CREB3L2: variants seen among roughly 807,000 people sequenced by gnomAD.
CREB3L2 encodes the protein cyclic AMP-responsive element-binding protein 3-like protein 2.
In CREB3L2, 23 loss-of-function variants were observed where a neutral mutation model predicts 57.2. The observed-to-expected ratio is 0.40, with a 90% CI of 0.29 to 0.57. The LOEUF is 0.57. Ranked by LOEUF, CREB3L2 falls within the 20% of genes least tolerant of loss-of-function variation. The probability of loss-of-function intolerance (pLI) is 0.42; values close to 1 mark genes in which losing one functional copy is unlikely to be tolerated. For missense variants in CREB3L2, 628 were observed against 634.7 expected (o/e 0.99, Z 0.11); for synonymous variants, 268 against 265.1 (o/e 1.01, Z -0.11).
chr7:137,945,261 A>G (rs1563261779), intron 1 of CREB3L2, among the ~76,000 whole-genome samples: 1 of 152,280 alleles, frequency 6.6e-6, no homozygotes, highest in Non-Finnish European at 1.5e-5. Flanking sequence ...ATGTATGGAC[A>G]GCCTTATAGC....
intron 1 of CREB3L2, among the ~76,000 whole-genome samples, chr7:137,958,469 A>G (rs1044401090): frequency 2.6e-5 from 4 of 152,198 alleles, no homozygotes; most frequent in Non-Finnish European, 5.9e-5. Flanking sequence ...GTTTGAGACC[A>G]GACTGGGCAA....
At chr7:137,913,939 C>A (rs1162914072) in intron 3 of CREB3L2, among the ~76,000 whole-genome samples, 1 of 152,086 alleles carries the variant, frequency 6.6e-6, no homozygotes, top group Non-Finnish European at 1.5e-5. Context: ...TATCCCAGTT[C>A]AGCCTCACAC....
At chr7:137,938,920 A>T (rs1563259988) in intron 1 of CREB3L2, among the ~76,000 whole-genome samples, 1 of 152,228 alleles carries the variant, frequency 6.6e-6, no homozygotes, top group Non-Finnish European at 1.5e-5. Flanking sequence ...AATGAGATGA[A>T]GGGAGAAACA....
At chr7:137,937,703 G>T (rs532458085) in intron 1 of CREB3L2, among the ~76,000 whole-genome samples, 2 of 152,064 alleles carry the variant, frequency 1.3e-5, no homozygotes, top group Admixed American at 1.3e-4. Flanking sequence ...TATTACACCA[G>T]AGTTTTGGAG....
intron 7 of CREB3L2, 54 bp downstream of exon 7, chr7:137,903,905 A>G (rs2117203279): frequency 3.5e-6 from 5 of 1,434,192 alleles, no homozygotes; most frequent in South Asian, 1.1e-5. Flanking sequence ...CCGCACACCC[A>G]TATTTCCCTG....
intron 1 of CREB3L2, among the ~76,000 whole-genome samples, chr7:137,937,133 G>C (rs1460731439): frequency 6.6e-6 from 1 of 152,190 alleles, no homozygotes; most frequent in Non-Finnish European, 1.5e-5. Context: ...TGGCTGAAAA[G>C]ATAGTTCTCC....
intron 8 of CREB3L2, among the ~76,000 whole-genome samples, chr7:137,890,947 C>A (rs953889457): frequency 6.6e-6 from 1 of 152,234 alleles, no homozygotes; most frequent in African/African-American, 2.4e-5. Context: ...TCAGTATAAA[C>A]TTCCTCTTTA....
Position 137,912,976 on chromosome 7 carries a change from G to A in CREB3L2, c.583+15C>T, listed in dbSNP as rs754559774. 1 of 1,613,362 alleles carries A rather than the reference G, an allele frequency of 6.2e-7. No homozygotes were observed. Among genetic ancestry groups the A allele is most frequent in the South Asian group, 1.1e-5 (1 of 90,964 alleles). On this transcript the variant is annotated intron_variant, in intron 4 of 11. Transcript: ENST00000330387. ...ATATCCATAACCCAAAGGGACACAGGGAGGGCAGACAGACCTTCTTTAGGA... is the reference window on the plus strand; with the variant it reads ...ATATCCATAACCCAAAGGGACACAGAGAGGGCAGACAGACCTTCTTTAGGA...
chr7:137,885,311 C>T lies in CREB3L2; in HGVS notation c.1143+92G>A. On this transcript the variant is annotated intron_variant, in intron 9 of 11. Coordinates refer to ENST00000330387, the MANE Select transcript of CREB3L2 (RefSeq NM_194071.4). ...GAGTTCCTCCATGTGGTTTCTCCTACAGCACAGCACTTGGCCTTGGCAAGT... is the reference window on the plus strand; with the variant it reads ...GAGTTCCTCCATGTGGTTTCTCCTATAGCACAGCACTTGGCCTTGGCAAGT... The T allele has an allele frequency of 6.3e-6, 8 of 1,264,838 alleles. No individual in the cohort carries two copies. The South Asian group carries it at 9.0e-5, about 14-fold the overall frequency. The allele number at this position is 1,264,838 out of a possible 1,614,324, so 78.4% of individuals were successfully genotyped here. A position where few individuals can be genotyped will look rare whatever the true frequency, so the allele number is the denominator to read the frequency against.
At position 137,908,439 on chromosome 7, in the gene CREB3L2, G is replaced by C; in HGVS notation, c.584-3C>G. 1 of 1,261,396 alleles carries C rather than the reference G, an allele frequency of 7.9e-7. No individual in the cohort carries two copies. Among genetic ancestry groups the C allele is most frequent in the East Asian group, 3.1e-5 (1 of 31,786 alleles). The allele number at this position is 1,261,396 out of a possible 1,614,324, so 78.1% of individuals were successfully genotyped here. ...CAAATGCAGGTGGTCCACTGGGGCT[G>C]CAAAAAAGGAAGCACATCTCATCCA... is the stretch of plus-strand genomic sequence containing the variant. On this transcript the variant is annotated splice_polypyrimidine_tract_variant and splice_region_variant and intron_variant, in intron 4 of 11. Coordinates refer to ENST00000330387, the MANE Select transcript of CREB3L2 (RefSeq NM_194071.4).
chr7:137,913,084 G>A lies in CREB3L2; in HGVS notation c.496-6C>T. 2 of 1,610,812 alleles carry A rather than the reference G, an allele frequency of 1.2e-6. No individual in the cohort carries two copies. The highest frequency in any genetic ancestry group is 1.7e-6 in the Non-Finnish European group (2 of 1,178,574). On this transcript the variant is annotated splice_region_variant and splice_polypyrimidine_tract_variant and intron_variant, in intron 3 of 11. Transcript: ENST00000330387. ...GTCTGGCACGAGGAATCAACCTGGA[G>A]GAAGAATTTCAAACACAATTTTTAA...
chr7:137,909,533 C>G (rs1799961393), intron 4 of CREB3L2, among the ~76,000 whole-genome samples: 1 of 152,210 alleles, frequency 6.6e-6, no homozygotes, highest in South Asian at 2.1e-4. Flanking sequence ...ACTCCTGGAG[C>G]CCCCAGGACA....
intron 1 of CREB3L2, among the ~76,000 whole-genome samples, chr7:137,972,402 C>G (rs1801522145): frequency 6.6e-6 from 1 of 151,888 alleles, no homozygotes; most frequent in South Asian, 2.1e-4. Flanking sequence ...CATGCCACTG[C>G]ATTCCAGCCT....
chr7:137,984,215 C>G, intron 1 of CREB3L2, among the ~76,000 whole-genome samples: 1 of 152,202 alleles, frequency 6.6e-6, no homozygotes, highest in Admixed American at 6.5e-5. Flanking sequence ...CACTCAATAT[C>G]CATCCTACCC....
intron 1 of CREB3L2, among the ~76,000 whole-genome samples, chr7:137,972,479 G>C (rs1266030611): frequency 1.3e-5 from 2 of 150,952 alleles, no homozygotes; most frequent in South Asian, 2.1e-4. Flanking sequence ...TGTCTTTTTT[G>C]CTTGTTTTTT....
intron 1 of CREB3L2, among the ~76,000 whole-genome samples, chr7:137,977,313 G>A (rs565327190): frequency 1.7e-4 from 26 of 152,300 alleles, no homozygotes; most frequent in South Asian, 2.1e-4. Flanking sequence ...AGAAGCTACC[G>A]GTAAGCAGCA....
chr7:137,920,211 G>A (rs1655695124), intron 2 of CREB3L2, among the ~76,000 whole-genome samples: 1 of 152,170 alleles, frequency 6.6e-6, no homozygotes, highest in African/African-American at 2.4e-5. Context: ...CCCACAGCTT[G>A]GTCCTGTGGC....
chr7:137,983,790 T>A (rs1360845840), intron 1 of CREB3L2, among the ~76,000 whole-genome samples: 1 of 152,250 alleles, frequency 6.6e-6, no homozygotes, highest in Non-Finnish European at 1.5e-5. Flanking sequence ...GGGCAGGGAC[T>A]GAGTCTTGCA....
At chr7:137,962,574 C>A (rs1013496739) in intron 1 of CREB3L2, among the ~76,000 whole-genome samples, 1 of 152,090 alleles carries the variant, frequency 6.6e-6, no homozygotes, top group Non-Finnish European at 1.5e-5. Flanking sequence ...TCACTGCCCC[C>A]AGACTCAAAT....
Sources: allele counts gnomAD v4.1 joint callset (sites outside exome capture counted in the v4.1 genomes callset), GRCh38; gene constraint gnomAD v4.1.1; transcripts MANE v1.5; gene names NCBI Gene and HGNC (gene_info 2026-07-23, HGNC 2026-07-21).